ARMC9: variants seen among roughly 807,000 people sequenced by gnomAD.
ARMC9 encodes the protein armadillo repeat containing 9, also known as lisH domain-containing protein ARMC9.
Under a neutral mutation model 107.0 loss-of-function variants are expected in ARMC9, and 94 were observed. That is an observed-to-expected ratio of 0.88 (90% CI 0.74 to 1.04). The LOEUF is 1.04. Ranked by LOEUF, ARMC9 falls within the 50% of genes least tolerant of loss-of-function variation. ARMC9 has a pLI of 0.00. For synonymous variants in ARMC9, 380 were observed against 396.9 expected (o/e 0.96, Z 0.51); for missense variants, 942 against 1,030.1 (o/e 0.91, Z 1.17).
At chr2:231,370,157 G>A (rs935455374) in intron 24 of ARMC9, 32 bp downstream of exon 24, 4 of 1,479,034 alleles carry the variant, frequency 2.7e-6, no homozygotes, top group South Asian at 1.3e-5. Context: ...TGGCGTGGGA[G>A]CCTGGCCACC....
chr2:231,254,467 T>C (rs2037574819), intron 9 of ARMC9, among the ~76,000 whole-genome samples: 1 of 152,130 alleles, frequency 6.6e-6, no homozygotes, highest in Non-Finnish European at 1.5e-5. Flanking sequence ...TTTATCAGAA[T>C]TGAAAATCAC....
At chr2:231,239,483 C>T (rs1317138539) in intron 8 of ARMC9, among the ~76,000 whole-genome samples, 1 of 152,234 alleles carries the variant, frequency 6.6e-6, no homozygotes, top group Admixed American at 6.5e-5. Flanking sequence ...TACCTGCTCA[C>T]TGTGGCTGTT....
At chr2:231,201,003 G>A (rs1455357831) in intron 1 of ARMC9, among the ~76,000 whole-genome samples, 1 of 152,198 alleles carries the variant, frequency 6.6e-6, no homozygotes, top group East Asian at 1.9e-4. Context: ...GGAAGAGCTT[G>A]TTGCATGGGG....
intron 7 of ARMC9, among the ~76,000 whole-genome samples, chr2:231,230,863 G>A (rs958487964): frequency 6.6e-6 from 1 of 152,242 alleles, no homozygotes; most frequent in Non-Finnish European, 1.5e-5. Flanking sequence ...TTCTTTTCCC[G>A]AATATTTTCA....
intron 18 of ARMC9, 69 bp downstream of exon 18, chr2:231,291,512 A>T (rs755869228): frequency 9.8e-5 from 149 of 1,512,830 alleles, no homozygotes; most frequent in Non-Finnish European, 1.3e-4. Flanking sequence ...GACACATGGC[A>T]TTTCATTCAA....
In ARMC9 at chr2:231,362,092, G is replaced by T. The variant is rs1386388969; in HGVS notation, c.2261+1209G>T. ...GGTCAAAGGTGGCTGCATTACTGGG[G>T]GAGGGGCCAAGCCTCTGGACTCCTC... On this transcript the variant is annotated intron_variant, in intron 23 of 24. Coordinates refer to ENST00000611582, the MANE Select transcript of ARMC9 (RefSeq NM_001352754.2). The surrounding 1 kb of genome is among the most constrained non-coding windows in gnomAD (Gnocchi z 4.7). Among the ~76,000 whole-genome samples the T allele has an allele frequency of 6.6e-6, 1 of 152,018 alleles. No homozygotes were observed. The highest frequency in any genetic ancestry group is 1.5e-5 in the Non-Finnish European group (1 of 67,972).
intron 17 of ARMC9, among the ~76,000 whole-genome samples, chr2:231,286,998 A>G (rs555508440): frequency 6.6e-6 from 1 of 152,220 alleles, no homozygotes; most frequent in Non-Finnish European, 1.5e-5. Flanking sequence ...GGCTGGAGTC[A>G]TAGTCAGCCA....
At chr2:231,333,393 G>A (rs983068756) in intron 20 of ARMC9, among the ~76,000 whole-genome samples, 1 of 152,324 alleles carries the variant, frequency 6.6e-6, no homozygotes, top group East Asian at 1.9e-4. Flanking sequence ...AGGCTGGGGG[G>A]CGGGGAACCA....
chr2:231,245,081 C>G (rs1574769464), intron 9 of ARMC9, among the ~76,000 whole-genome samples: 1 of 152,218 alleles, frequency 6.6e-6, no homozygotes, highest in African/African-American at 2.4e-5. Flanking sequence ...TCTAGGCACT[C>G]CCAGAGGGTT....
chr2:231,256,851 G>A (rs2037868703), intron 10 of ARMC9, among the ~76,000 whole-genome samples: 2 of 152,168 alleles, frequency 1.3e-5, no homozygotes, highest in South Asian at 2.1e-4. Context: ...TTGAGACAGA[G>A]TTTCGCTCTT....
chr2:231,337,619 G>A (rs184786309), intron 20 of ARMC9, among the ~76,000 whole-genome samples: 188 of 150,178 alleles, frequency 1.3e-3, no homozygotes, highest in Middle Eastern at 6.8e-3. Context: ...ACAGGCGCCC[G>A]CCACTACGCC....
chr2:231,369,788 T>C (rs550819669), intron 23 of ARMC9, among the ~76,000 whole-genome samples, 165 bp from the exon 24 acceptor site: 1 of 150,018 alleles, frequency 6.7e-6, no homozygotes, highest in South Asian at 2.1e-4. Flanking sequence ...GTGACGGGGC[T>C]TCACCATGTT....
chr2:231,260,356 C>G lies in ARMC9; in HGVS notation c.1026+1254C>G, dbSNP rs529772713. On this transcript the variant is annotated intron_variant, in intron 11 of 24. Transcript: ENST00000611582. ...ACCTCTTAGGGTTCCCTGGACCACACTGAGAACTGCTGACTCAAGCCAACA... is the reference window on the plus strand; with the variant it reads ...ACCTCTTAGGGTTCCCTGGACCACAGTGAGAACTGCTGACTCAAGCCAACA... 3.3e-5 allele frequency among the ~76,000 whole-genome samples: 5 copies of G among 152,314 alleles called. No homozygotes were observed. The South Asian group carries it at 1.0e-3, about 32-fold the overall frequency.
Position 231,331,853 on chromosome 2 carries a change from G to A in ARMC9, c.1834G>A (p.Gly612Arg). The change falls in exon 20 of 25, where the codon GGA becomes AGA. Residue 612 changes from glycine (G) to arginine (R), a missense_variant. Gly to Arg is a moderately radical substitution (Grantham distance 125). Coordinates refer to ENST00000611582, the MANE Select transcript of ARMC9 (RefSeq NM_001352754.2). ...AGACGAACTGATCCAGCCCCAGCTC[G>A]GAGAACTCTCAGGAGAGAAGCTTCT... ...DKDELIQPQLGELSGEKLLTT... is the reference protein window; with the variant it reads ...DKDELIQPQLRELSGEKLLTT... 10 of 1,613,978 alleles carry A rather than the reference G, an allele frequency of 6.2e-6. No individual in the cohort carries two copies. The East Asian group carries it at 6.7e-5, about 11-fold the overall frequency.
At chr2:231,247,235 G>A (rs578243611) in intron 9 of ARMC9, among the ~76,000 whole-genome samples, 249 of 152,286 alleles carry the variant, frequency 1.6e-3, no homozygotes, top group African/African-American at 5.5e-3. Flanking sequence ...GATTATAAGC[G>A]TGAGCCAACA....
In ARMC9 at chr2:231,226,788, A is replaced by G. The variant is rs1385161436; in HGVS notation, c.612A>G (p.Gln204=). Residue 204 remains glutamine (Q), a synonymous_variant, in exon 7 of 25, where the codon CAA becomes CAG. Coordinates refer to ENST00000611582, the MANE Select transcript of ARMC9 (RefSeq NM_001352754.2). ...TTTCATCCCAGAAGGAGAATGGACAAAGTAACAAAGGTAAATCATCTAGAT... is the reference window on the plus strand; with the variant it reads ...TTTCATCCCAGAAGGAGAATGGACAGAGTAACAAAGGTAAATCATCTAGAT... The part of the protein sequence containing the change: ...KLLTIYKENG[Q]SNKEILQQLH... 1 of 1,613,756 alleles carries G rather than the reference A, an allele frequency of 6.2e-7. No individual in the cohort carries two copies. Among genetic ancestry groups the G allele is most frequent in the East Asian group, 2.2e-5 (1 of 44,888 alleles).
chr2:231,338,705 A>G (rs370418351), intron 20 of ARMC9, among the ~76,000 whole-genome samples: 6 of 151,976 alleles, frequency 3.9e-5, no homozygotes, highest in African/African-American at 1.2e-4. Context: ...GATAACACAA[A>G]CATTATAAAA....
At chr2:231,205,850 C>A (rs2031900885) in intron 1 of ARMC9, among the ~76,000 whole-genome samples, 1 of 152,184 alleles carries the variant, frequency 6.6e-6, no homozygotes, top group Non-Finnish European at 1.5e-5. Flanking sequence ...TTGTCTTATG[C>A]CACTTTATCC....
chr2:231,292,318 T>C (rs961993407), intron 18 of ARMC9, among the ~76,000 whole-genome samples: 1 of 152,206 alleles, frequency 6.6e-6, no homozygotes, highest in South Asian at 2.1e-4. Flanking sequence ...GTTCTCTTTA[T>C]GTGGCCTCTC....
Sources: allele counts gnomAD v4.1 joint callset (sites outside exome capture counted in the v4.1 genomes callset), GRCh38; gene constraint gnomAD v4.1.1; non-coding constraint Gnocchi (gnomAD v3.1); transcripts MANE v1.5; gene names NCBI Gene and HGNC (gene_info 2026-07-23, HGNC 2026-07-21).